The following ZNF226 variants were observed in gnomAD, a reference collection of about 807,000 sequenced individuals.
The protein encoded by ZNF226 is zinc finger protein 226.
ZNF226 carries 6 observed loss-of-function variants against 11.4 expected under a neutral mutation model. The ratio of observed to expected loss-of-function variants is 0.53; its 90% CI spans 0.29 to 1.04. The LOEUF (loss-of-function observed/expected upper bound fraction) is 1.04, where lower values mean the gene tolerates loss of function less well. Among genes scored for constraint, ZNF226 ranks in the 50% least tolerant of loss-of-function variants. ZNF226 has a pLI of 0.08. For missense variants in ZNF226, 1,058 were observed against 956.5 expected, an observed-to-expected ratio of 1.11 and a Z score of -1.40; for synonymous variants, 350 against 322.8, an observed-to-expected ratio of 1.08 and a Z score of -0.90.
Position 44,175,998 on chromosome 19 carries a change from C to G in ZNF226, c.736C>G (p.His246Asp), listed in dbSNP as rs759409614. The change falls in exon 6 of 6, where the codon CAC (histidine) becomes GAC (aspartate). Residue 246 changes from histidine (H) to aspartate (D), a missense_variant. His to Asp is a moderately conservative substitution (Grantham distance 81, BLOSUM62 -1). Transcript: ENST00000337433. ...GACATTTGATCACAATAGCATGATT[C>G]ACACAGGACAGAAATCGTACCAGTG... Reference protein sequence around the residue: ...ILTFDHNSMIHTGQKSYQCNE... With the variant: ...ILTFDHNSMIDTGQKSYQCNE... 1.2e-6 allele frequency: 2 copies of G among 1,613,740 alleles called. No individual in the cohort carries two copies. Among genetic ancestry groups the G allele is most frequent in the African/African-American group, 2.7e-5 (2 of 74,916 alleles).
Position 44,175,793 on chromosome 19 carries a change from C to T in ZNF226, c.531C>T (p.Phe177=), listed in dbSNP as rs1284269453. The stretch of plus-strand genomic sequence containing the variant: ...CCCAGGATTCTTGGAGGAAAACATT[C>T]CTGACTGAGTCACAGAGATTGAACA... ...LRTQDSWRKT[F]LTESQRLNRD... The change falls in exon 6 of 6, where the codon TTC becomes TTT. Residue 177 remains phenylalanine (F), a synonymous_variant. Transcript: ENST00000337433. 32 of 1,613,654 alleles carry T rather than the reference C, an allele frequency of 2.0e-5. No homozygotes were observed. Among genetic ancestry groups the T allele is most frequent in the Non-Finnish European group, 2.5e-5 (30 of 1,179,778 alleles).
rs2122515131 is a variant in ZNF226, at chr19:44,177,039, G to A, written c.1777G>A (p.Gly593Ser). 6.2e-7 allele frequency: 1 copy of A among 1,614,080 alleles called. No individual in the cohort carries two copies. Among genetic ancestry groups the A allele is most frequent in the East Asian group, 2.2e-5 (1 of 44,870 alleles). Residue 593 changes from glycine (G) to serine (S), a missense_variant, in exon 6 of 6, where the codon GGC becomes AGC. Transcript: ENST00000337433. ...GAAACCATACAAATGTGAAGAGTGT[G>A]GCAAGGGATTTAGTCGTAGAGCAGA... ...GEKPYKCEEC[G>S]KGFSRRADLK... is the part of the protein sequence containing the mutation.
At chr19:44,193,781 A>G in the ZNF226 span, among the ~76,000 whole-genome samples, 2 of 152,258 alleles carry the variant, frequency 1.3e-5, no homozygotes, top group African/African-American at 4.8e-5. Context: ...AGCTCTAAGG[A>G]AACAAGCTTA....
chr19:44,191,793 G>T, the ZNF226 span, among the ~76,000 whole-genome samples: 1,858 of 151,412 alleles, frequency 0.012, 42 homozygotes, highest in African/African-American at 0.043. Flanking sequence ...TTCTTTCAAA[G>T]CTCCTAAGTA....
At chr19:44,198,548 C>T in the ZNF226 span, among the ~76,000 whole-genome samples, 5,607 of 152,248 alleles carry the variant, frequency 0.037, 345 homozygotes, top group African/African-American at 0.13. Context: ...AGAAACTGCA[C>T]ATAACCAGCA....
At chr19:44,193,540 ATCTT>A in the ZNF226 span, among the ~76,000 whole-genome samples, 4 of 152,086 alleles carry the variant, frequency 2.6e-5, no homozygotes, top group Non-Finnish European at 5.9e-5. Flanking sequence ...TTTTTGAAAA[ATCTT>A]TTACCCTTTT....
chr19:44,184,436 C>G, the ZNF226 span, among the ~76,000 whole-genome samples: 1 of 151,920 alleles, frequency 6.6e-6, no homozygotes, highest in African/African-American at 2.4e-5. Flanking sequence ...AAAAATTAGC[C>G]GGGTGTGGTG....
chr19:44,189,551 A>G, the ZNF226 span, among the ~76,000 whole-genome samples: 9 of 152,208 alleles, frequency 5.9e-5, no homozygotes. Context: ...AGTGAGTGAC[A>G]GTTGTATTAG....
At chr19:44,179,636 T>G (rs1970876567), downstream of ZNF226, among the ~76,000 whole-genome samples, 1 of 152,222 alleles carries the variant, frequency 6.6e-6, no homozygotes, top group South Asian at 2.1e-4. Flanking sequence ...GAATGCTTCT[T>G]AATTCTTGAC....
intron 2 of ZNF226, chr19:44,169,621 C>T (rs1215770947): frequency 1.3e-5 from 2 of 154,090 alleles, no homozygotes; most frequent in Non-Finnish European, 2.9e-5. Flanking sequence ...TTCCAGCAAT[C>T]CGATGAGGTT....
At position 44,177,090 on chromosome 19, in the gene ZNF226, A is replaced by AC; in HGVS notation, c.1829dup (p.Gly611ArgfsTer6). 3 of 1,614,172 alleles carry AC rather than the reference A, an allele frequency of 1.9e-6. No homozygotes were observed. The highest frequency in any genetic ancestry group is 2.5e-6 in the Non-Finnish European group (3 of 1,180,022). On this transcript the variant is annotated frameshift_variant, in exon 6 of 6. Transcript: ENST00000337433. LOFTEE classifies it low-confidence loss of function (END_TRUNC). ...TCTTAAAATTCACTGTAGGATCCAC[A>AC]CAGGAGAGAAACCATATAATTGTGA...
the ZNF226 span, among the ~76,000 whole-genome samples, chr19:44,195,182 G>A: frequency 6.6e-6 from 1 of 152,190 alleles, no homozygotes; most frequent in Non-Finnish European, 1.5e-5. Context: ...AGTCCCACAA[G>A]GGTTGCAAGG....
At chr19:44,197,633 CAG>C in the ZNF226 span, among the ~76,000 whole-genome samples, 1 of 152,186 alleles carries the variant, frequency 6.6e-6, no homozygotes, top group Non-Finnish European at 1.5e-5. Flanking sequence ...GTTGAGCAAA[CAG>C]AGCATGTATC....
At chr19:44,190,215 G>A in the ZNF226 span, among the ~76,000 whole-genome samples, 1 of 151,836 alleles carries the variant, frequency 6.6e-6, no homozygotes, top group Non-Finnish European at 1.5e-5. Flanking sequence ...TATTATTTTA[G>A]GTTCTTGTAT....
chr19:44,169,057 G>A (rs1364948740), intron 2 of ZNF226, among the ~76,000 whole-genome samples: 2 of 129,254 alleles, frequency 1.5e-5, no homozygotes, highest in South Asian at 2.3e-4. Flanking sequence ...CGCCGAGGCT[G>A]GAGTGCAGTG....
chr19:44,177,942 C>G, downstream of ZNF226: 1 of 322,242 alleles, frequency 3.1e-6, no homozygotes, highest in South Asian at 5.7e-5. Context: ...AATGTTAACT[C>G]CATAAAGACA....
chr19:44,182,609 G>C (rs1970923629), downstream of ZNF226, among the ~76,000 whole-genome samples: 1 of 152,212 alleles, frequency 6.6e-6, no homozygotes, highest in African/African-American at 2.4e-5. Context: ...GGCGAGAGGA[G>C]CATTGGCAGT....
chr19:44,188,666 T>A, the ZNF226 span, among the ~76,000 whole-genome samples: 1 of 152,134 alleles, frequency 6.6e-6, no homozygotes, highest in Non-Finnish European at 1.5e-5. Flanking sequence ...ACAACTGTCA[T>A]TGTTGTATCT....
chr19:44,176,091 G>A lies in ZNF226; in HGVS notation c.829G>A (p.Glu277Lys). The change falls in exon 6 of 6, where the codon GAG (glutamate) becomes AAG (lysine). Residue 277 changes from glutamate to lysine, a missense_variant. Transcript: ENST00000337433. ...FDLHQQLQSGEKSLTCVERGK... is the reference protein window; with the variant it reads ...FDLHQQLQSGKKSLTCVERGK... ...TCTTCATCAGCAGTTACAATCAGGA[G>A]AGAAGTCTCTTACATGTGTTGAGCG... 1 of 1,614,178 alleles carries A rather than the reference G, an allele frequency of 6.2e-7. No individual in the cohort carries two copies. Among genetic ancestry groups the A allele is most frequent in the South Asian group, 1.1e-5 (1 of 91,078 alleles).
Sources: allele counts gnomAD v4.1 joint callset (sites outside exome capture counted in the v4.1 genomes callset), GRCh38; gene constraint gnomAD v4.1.1; transcripts MANE v1.5; gene names NCBI Gene and HGNC (gene_info 2026-07-23, HGNC 2026-07-21).